Variants in TP53INP1 observed in about 807,000 individuals in gnomAD.
TP53INP1 encodes tumor protein p53-inducible nuclear protein 1.
TP53INP1 carries 12 observed loss-of-function variants against 21.0 expected under a neutral mutation model. The ratio of observed to expected loss-of-function variants is 0.57; its 90% CI spans 0.37 to 0.93. The LOEUF (loss-of-function observed/expected upper bound fraction) is 0.93. TP53INP1 is among the 40% of genes least tolerant of loss of function. The pLI, the probability that TP53INP1 is intolerant of heterozygous loss-of-function variation, is 0.01. For missense variants in TP53INP1, 274 were observed against 294.7 expected (o/e 0.93, Z 0.51); for synonymous variants, 91 against 94.8 (o/e 0.96, Z 0.23).
Position 94,930,388 on chromosome 8 carries a change from T to G in TP53INP1, c.*91A>C. ...ACTATGTGATTGGTTATCAATTGGT[T>G]GTAAAGAGACAACATTTTCACTGTA... On this transcript the variant is annotated 3_prime_UTR_variant, in exon 4 of 4. Coordinates refer to ENST00000342697, the MANE Select transcript of TP53INP1 (RefSeq NM_033285.4). 1 of 1,534,382 alleles carries G rather than the reference T, an allele frequency of 6.5e-7. No homozygotes were observed. The highest frequency in any genetic ancestry group is 1.4e-5 in the African/African-American group (1 of 72,828).
intron 3 of TP53INP1, among the ~76,000 whole-genome samples, chr8:94,932,790 G>A (rs1261747188): frequency 3.9e-5 from 6 of 151,978 alleles, no homozygotes; most frequent in Admixed American, 6.6e-5. Flanking sequence ...GCGAAGGAGC[G>A]AGACTCCGTC....
chr8:94,941,037 A>G lies in TP53INP1; in HGVS notation c.-96T>C. 1.2e-6 allele frequency: 1 copy of G among 844,398 alleles called. No homozygotes were observed. Among genetic ancestry groups the G allele is most frequent in the Non-Finnish European group, 1.9e-6 (1 of 519,564 alleles). 52.3% of individuals were successfully genotyped at this position (844,398 alleles called of 1,614,324 possible). A position where few individuals can be genotyped will look rare whatever the true frequency, so the allele number is the denominator to read the frequency against. ...GGCCCAATGGTACCGACAGGAGATT[A>G]AAGTGCACAGGGTGCTTATTCAACT... On this transcript the variant is annotated 5_prime_UTR_variant, in exon 2 of 4. Transcript: ENST00000342697.
chr8:94,932,021 C>T, intron 3 of TP53INP1: 1 of 1,556,942 alleles, frequency 6.4e-7, no homozygotes, highest in South Asian at 1.2e-5. Context: ...GGGTCCTTTG[C>T]CTCCCTATGC....
At chr8:94,933,838 G>GT (rs111482172) in intron 3 of TP53INP1, among the ~76,000 whole-genome samples, 1 of 148,592 alleles carries the variant, frequency 6.7e-6, no homozygotes, top group East Asian at 2.0e-4. Context: ...ACTTTGTGGG[G>GT]GGGGGGGGAG....
In TP53INP1 at chr8:94,928,450, A is replaced by G. The variant is rs968652404; in HGVS notation, c.*2029T>C. The G allele has an allele frequency of 2.6e-5, 4 of 152,522 alleles. No homozygotes were observed. The highest frequency in any genetic ancestry group is 9.6e-5 in the African/African-American group (4 of 41,462). The allele number at this position is 152,522 out of a possible 1,614,324, so 9.4% of individuals were successfully genotyped here. A position where few individuals can be genotyped will look rare whatever the true frequency, so the allele number is the denominator to read the frequency against. On this transcript the variant is annotated 3_prime_UTR_variant, in exon 4 of 4. Coordinates refer to ENST00000342697, the MANE Select transcript of TP53INP1 (RefSeq NM_033285.4). Reference sequence around the variant, plus strand: ...CATGGCCCTATAACAAACATCGTATAAAACATACACACCTTCATGGAAACT... The same window carrying G: ...CATGGCCCTATAACAAACATCGTATGAAACATACACACCTTCATGGAAACT...
chr8:94,948,021 G>T (rs1466638312), intron 1 of TP53INP1, among the ~76,000 whole-genome samples: 1 of 152,124 alleles, frequency 6.6e-6, no homozygotes, highest in Non-Finnish European at 1.5e-5. Context: ...TGACCCCAAG[G>T]GTCACATTGT....
chr8:94,938,482 A>G (rs1821206398), intron 3 of TP53INP1, among the ~76,000 whole-genome samples: 1 of 152,222 alleles, frequency 6.6e-6, no homozygotes, highest in Non-Finnish European at 1.5e-5. Flanking sequence ...GTTGGCAGCA[A>G]CTAGGCAGCT....
chr8:94,930,399 A>G lies in TP53INP1; in HGVS notation c.*80T>C. 1 of 1,556,724 alleles carries G rather than the reference A, an allele frequency of 6.4e-7. No homozygotes were observed. The highest frequency in any genetic ancestry group is 1.2e-5 in the South Asian group (1 of 82,492). On this transcript the variant is annotated 3_prime_UTR_variant, in exon 4 of 4. Transcript: ENST00000342697. ...GGTTATCAATTGGTTGTAAAGAGAC[A>G]ACATTTTCACTGTACATATACACAC...
intron 3 of TP53INP1, among the ~76,000 whole-genome samples, chr8:94,937,455 A>AC (rs1378808147): frequency 6.6e-6 from 1 of 151,236 alleles, no homozygotes; most frequent in African/African-American, 2.4e-5. Context: ...AAAAAAAAAA[A>AC]CCCAAAAACA....
At chr8:94,946,152 T>C (rs916536576) in intron 1 of TP53INP1, among the ~76,000 whole-genome samples, 4 of 152,042 alleles carry the variant, frequency 2.6e-5, no homozygotes, top group African/African-American at 9.7e-5. Flanking sequence ...ATCATAGTTA[T>C]AGTCTTGTGA....
chr8:94,948,896 C>G (rs986641913), intron 1 of TP53INP1, among the ~76,000 whole-genome samples: 5 of 151,360 alleles, frequency 3.3e-5, no homozygotes, highest in African/African-American at 1.2e-4. Context: ...GGCCCTTGTC[C>G]GCGCCGCCGC....
At position 94,940,066 on chromosome 8, in the gene TP53INP1, T is replaced by A. The variant is rs766866964; in HGVS notation, c.267A>T (p.Ser89=). The A allele has an allele frequency of 4.3e-6, 7 of 1,614,076 alleles. No homozygotes were observed. The Admixed American group carries it at 6.7e-5, about 15-fold the overall frequency. Residue 89 remains serine, a synonymous_variant, in exon 3 of 4, where the codon TCA becomes TCT. Coordinates refer to ENST00000342697, the MANE Select transcript of TP53INP1 (RefSeq NM_033285.4). ...TSDSCFLQFE[S]CPMEESWFIT... is the part of the protein sequence containing the mutation. The stretch of plus-strand genomic sequence containing the variant: ...TAAACCAGCTCTCCTCCATTGGACA[T>A]GACTCAAACTGGAGAAAGCAGGAAT...
In TP53INP1 at chr8:94,930,370, G is replaced by C; in HGVS notation, c.*109C>G. ...TCTAAATACACTGATAAAACTATGT[G>C]ATTGGTTATCAATTGGTTGTAAAGA... On this transcript the variant is annotated 3_prime_UTR_variant, in exon 4 of 4. Coordinates refer to ENST00000342697, the MANE Select transcript of TP53INP1 (RefSeq NM_033285.4). The C allele has an allele frequency of 7.0e-7, 1 of 1,438,782 alleles. No individual in the cohort carries two copies. The highest frequency in any genetic ancestry group is 9.5e-7 in the Non-Finnish European group (1 of 1,052,678). 89.1% of individuals were successfully genotyped at this position (1,438,782 alleles called of 1,614,324 possible). A position where few individuals can be genotyped will look rare whatever the true frequency, so the allele number is the denominator to read the frequency against.
chr8:94,935,908 A>G (rs946104759), intron 3 of TP53INP1, among the ~76,000 whole-genome samples: 5 of 152,188 alleles, frequency 3.3e-5, no homozygotes, highest in African/African-American at 1.2e-4. Context: ...AGGCATGTAA[A>G]TCTGCCCTTC....
At chr8:94,940,743 G>T in intron 2 of TP53INP1, 87 bp downstream of exon 2, 1 of 971,228 alleles carries the variant, frequency 1.0e-6, no homozygotes. Flanking sequence ...AAACCCCTCA[G>T]TTATTGGTTT....
At chr8:94,942,188 C>T (rs1261247162) in intron 1 of TP53INP1, among the ~76,000 whole-genome samples, 1 of 152,072 alleles carries the variant, frequency 6.6e-6, no homozygotes, top group Non-Finnish European at 1.5e-5. Context: ...AGGCGCCCAC[C>T]ACCACATCCG....
Position 94,930,545 on chromosome 8 carries a change from G to A in TP53INP1, c.657C>T (p.His219=), listed in dbSNP as rs77630257. ...LRRQNLTRDC[H]PRQVKHNGWV... ...AGCCATTGTGCTTGACTTGCCGAGG[G>A]TGGCAATCCCTGGTAAGATTTTGGC... Residue 219 remains histidine, a synonymous_variant, in exon 4 of 4, where the codon CAC becomes CAT. Coordinates refer to ENST00000342697, the MANE Select transcript of TP53INP1 (RefSeq NM_033285.4). 2,229 of 1,614,224 alleles carry A rather than the reference G, an allele frequency of 1.4e-3. 18 individuals carry two copies. The African/African-American group carries it at 0.027, about 19-fold the overall frequency.
intron 2 of TP53INP1, 47 bp from the exon 3 acceptor site, chr8:94,940,267 C>G (rs1344178282): frequency 6.5e-7 from 1 of 1,538,266 alleles, no homozygotes; most frequent in Non-Finnish European, 8.7e-7. Flanking sequence ...TTGAAGAGTC[C>G]CACAGGAGGA....
chr8:94,937,751 T>C (rs1821133043), intron 3 of TP53INP1, among the ~76,000 whole-genome samples: 1 of 152,194 alleles, frequency 6.6e-6, no homozygotes, highest in South Asian at 2.1e-4. Context: ...TTTTAAACCT[T>C]ATGTCAAAAT....
Sources: gnomAD v4.1 joint callset for allele counts (sites outside exome capture counted in the v4.1 genomes callset) on GRCh38, gnomAD v4.1.1 for gene constraint, MANE v1.5 for transcripts, NCBI Gene and HGNC (gene_info 2026-07-23, HGNC 2026-07-21) for gene names.